The following UBAC2 variants were observed in gnomAD, a reference collection of about 807,000 sequenced individuals.
The protein encoded by UBAC2 is UBA domain containing 2.
A neutral mutation model predicts 44.0 loss-of-function variants in UBAC2; 26 were observed. The ratio of observed to expected loss-of-function variants is 0.59; its 90% CI spans 0.43 to 0.82. The LOEUF (loss-of-function observed/expected upper bound fraction) is 0.82. UBAC2 is among the 40% of genes least tolerant of loss of function. The probability of loss-of-function intolerance (pLI) is 0.00; values close to 1 mark genes in which losing one functional copy is unlikely to be tolerated. For synonymous variants in UBAC2, 155 were observed against 154.3 expected, an observed-to-expected ratio of 1.00 and a Z score of -0.04; for missense variants, 329 against 419.4, an observed-to-expected ratio of 0.78 and a Z score of 1.88.
intron 4 of UBAC2, chr13:99,254,751 A>T: frequency 1.4e-6 from 1 of 711,734 alleles, no homozygotes; most frequent in Non-Finnish European, 2.3e-6. Flanking sequence ...AGTTTTTAAA[A>T]TGAAGATAAT....
chr13:99,255,706 G>A (rs753458670), intron 4 of UBAC2: 35 of 1,613,802 alleles, frequency 2.2e-5, no homozygotes, highest in Non-Finnish European at 2.4e-5. Flanking sequence ...GATGGTTACC[G>A]TGGTTCTCTT....
chr13:99,286,139 G>T (rs564753549), intron 4 of UBAC2, among the ~76,000 whole-genome samples: 1 of 152,302 alleles, frequency 6.6e-6, no homozygotes, highest in Admixed American at 6.5e-5. Context: ...TATAAGCACC[G>T]AATTCTGTGT....
chr13:99,297,860 G>A (rs955095187), intron 4 of UBAC2, among the ~76,000 whole-genome samples: 1 of 151,436 alleles, frequency 6.6e-6, no homozygotes, highest in African/African-American at 2.4e-5. Context: ...ACAGCTCAAA[G>A]TGATAAAGAA....
At chr13:99,224,857 C>T (rs192787808) in intron 1 of UBAC2, among the ~76,000 whole-genome samples, 1 of 152,052 alleles carries the variant, frequency 6.6e-6, no homozygotes, top group South Asian at 2.1e-4. Flanking sequence ...AAAATTTTTA[C>T]GTAGTAAAAG....
chr13:99,332,383 A>T (rs1448045102), intron 6 of UBAC2, among the ~76,000 whole-genome samples: 2 of 152,214 alleles, frequency 1.3e-5, no homozygotes, highest in Non-Finnish European at 2.9e-5. Context: ...TCCTAAAAGG[A>T]TGAAGCATCT....
chr13:99,295,623 C>T lies in UBAC2; in HGVS notation c.390-18474C>T. ...TCCATGCATGTAATCCTTTCAGCCT[C>T]CTGCTTTGACATAGGGTTGATGAGG... On this transcript the variant is annotated intron_variant, in intron 4 of 8. Coordinates refer to ENST00000403766, the MANE Select transcript of UBAC2 (RefSeq NM_001144072.2). The surrounding 1 kb of genome is among the most constrained non-coding windows in gnomAD (Gnocchi z 4.1). 6.2e-7 allele frequency: 1 copy of T among 1,614,150 alleles called. No individual in the cohort carries two copies. The highest frequency in any genetic ancestry group is 8.5e-7 in the Non-Finnish European group (1 of 1,180,032).
At chr13:99,215,688 GC>G in intron 1 of UBAC2, 1 of 1,495,384 alleles carries the variant, frequency 6.7e-7, no homozygotes. Context: ...CTGCAAGCCG[GC>G]TCTCTGCGAG....
At chr13:99,315,891 G>A (rs531977399) in intron 5 of UBAC2, among the ~76,000 whole-genome samples, 26 of 152,018 alleles carry the variant, frequency 1.7e-4, no homozygotes, top group African/African-American at 9.6e-5. Context: ...GCACAGCATG[G>A]CCTTCATCAC....
intron 1 of UBAC2, among the ~76,000 whole-genome samples, chr13:99,202,187 A>G (rs75118041): frequency 0.013 from 1,989 of 152,178 alleles, 29 homozygotes; most frequent in Non-Finnish European, 0.02. Flanking sequence ...GCATAATTTT[A>G]AATCTTCCTC....
intron 4 of UBAC2, among the ~76,000 whole-genome samples, chr13:99,313,766 C>G (rs2044447129): frequency 6.6e-6 from 1 of 152,204 alleles, no homozygotes; most frequent in Admixed American, 6.5e-5. Context: ...ATGTTTGCTG[C>G]TTTCGATTTG....
intron 1 of UBAC2, among the ~76,000 whole-genome samples, chr13:99,224,682 T>G (rs1457860332): frequency 6.6e-6 from 1 of 152,266 alleles, no homozygotes; most frequent in African/African-American, 2.4e-5. Context: ...AACATTTTAC[T>G]ATGTTGGCTT....
intron 6 of UBAC2, among the ~76,000 whole-genome samples, chr13:99,323,207 G>C (rs981043700): frequency 6.6e-6 from 1 of 152,032 alleles, no homozygotes; most frequent in African/African-American, 2.4e-5. Flanking sequence ...TAGCAGCTCA[G>C]ATAACTCCTC....
At chr13:99,296,019 T>C (rs760235308) in intron 4 of UBAC2, 1 of 1,614,138 alleles carries the variant, frequency 6.2e-7, no homozygotes, top group Non-Finnish European at 8.5e-7. Flanking sequence ...AGCCCAATGA[T>C]GAAGACGAGG....
At chr13:99,344,585 A>AT (rs568223593) in intron 7 of UBAC2, among the ~76,000 whole-genome samples, 20 of 151,994 alleles carry the variant, frequency 1.3e-4, no homozygotes, top group African/African-American at 2.4e-4. Context: ...TCAGAAAGTC[A>AT]TTTTTTTTCA....
At chr13:99,341,513 G>A (rs994561469) in intron 7 of UBAC2, among the ~76,000 whole-genome samples, 5 of 152,174 alleles carry the variant, frequency 3.3e-5, no homozygotes, top group Admixed American at 6.5e-5. Flanking sequence ...TTGAATTTGA[G>A]TGACTCTGGA....
intron 4 of UBAC2, among the ~76,000 whole-genome samples, chr13:99,278,852 C>T (rs1169767308): frequency 6.6e-6 from 1 of 152,168 alleles, no homozygotes; most frequent in Non-Finnish European, 1.5e-5. Context: ...TAACCTACAT[C>T]ACTTGAATCT....
chr13:99,356,018 G>C, intron 7 of UBAC2: 1 of 399,774 alleles, frequency 2.5e-6, no homozygotes, highest in East Asian at 5.9e-5. Context: ...AACTGAACCT[G>C]TTTGTAAAAT....
At chr13:99,339,494 G>A (rs1283997820) in intron 6 of UBAC2, among the ~76,000 whole-genome samples, 3 of 152,174 alleles carry the variant, frequency 2.0e-5, no homozygotes, top group African/African-American at 7.2e-5. Flanking sequence ...AGTGCCTGGT[G>A]TGTAGCACAG....
chr13:99,219,233 C>G (rs899604218), intron 1 of UBAC2, among the ~76,000 whole-genome samples: 10 of 152,174 alleles, frequency 6.6e-5, no homozygotes, highest in African/African-American at 2.4e-4. Flanking sequence ...GCTCCCCTAC[C>G]TGTCTGTCTT....
Sources: allele counts gnomAD v4.1 joint callset (sites outside exome capture counted in the v4.1 genomes callset), GRCh38; gene constraint gnomAD v4.1.1; non-coding constraint Gnocchi (gnomAD v3.1); transcripts MANE v1.5; gene names NCBI Gene and HGNC (gene_info 2026-07-23, HGNC 2026-07-21).